The following TTC8 variants were observed in gnomAD, a reference collection of about 807,000 sequenced individuals.
TTC8 encodes tetratricopeptide repeat domain 8, also known as tetratricopeptide repeat protein 8.
TTC8 carries 47 observed loss-of-function variants against 72.5 expected under a neutral mutation model. The ratio of observed to expected loss-of-function variants is 0.65; its 90% confidence interval spans 0.51 to 0.83. The LOEUF is 0.83. Ranked by LOEUF, TTC8 falls within the 40% of genes least tolerant of loss-of-function variation. The pLI is 0.00. For synonymous variants in TTC8, 199 were observed against 221.4 expected (o/e 0.90, Z 0.90); for missense variants, 611 against 623.2 (o/e 0.98, Z 0.21).
chr14:88,851,954 A>G lies in TTC8; in HGVS notation c.625-1017A>G, dbSNP rs188719459. 5.3e-3 allele frequency among the ~76,000 whole-genome samples: 803 copies of G among 152,366 alleles called. 6 individuals are homozygous for G. The highest frequency in any genetic ancestry group is 9.3e-3 in the Non-Finnish European group (635 of 68,038). On this transcript the variant is annotated intron_variant, in intron 7 of 14. Coordinates refer to ENST00000380656, the MANE Select transcript of TTC8 (RefSeq NM_144596.4). The stretch of plus-strand genomic sequence containing the variant: ...GCATTCATTTCAGAAAAGAGTTGGT[A>G]TTAAGAAGTGGACAGTAATCTGGGA...
chr14:88,863,039 A>G (rs935755983), intron 10 of TTC8, among the ~76,000 whole-genome samples: 2 of 125,982 alleles, frequency 1.6e-5, no homozygotes, highest in Non-Finnish European at 3.2e-5. Flanking sequence ...CCCTGGAAGC[A>G]TATTGATTGG....
chr14:88,839,719 A>G (rs2094771145), intron 3 of TTC8, 147 bp downstream of exon 3: 2 of 950,240 alleles, frequency 2.1e-6, no homozygotes, highest in East Asian at 2.8e-5. Flanking sequence ...AAAAACCATT[A>G]CTTCAAGTAA....
intron 7 of TTC8, among the ~76,000 whole-genome samples, chr14:88,847,153 G>T (rs924033313): frequency 2.0e-5 from 3 of 152,100 alleles, no homozygotes; most frequent in African/African-American, 2.4e-5. Context: ...TAAAAGCTCC[G>T]CAGGCAATGC....
At chr14:88,853,208 G>T (rs575728975) in intron 8 of TTC8, 152 bp downstream of exon 8, 9 of 666,782 alleles carry the variant, frequency 1.3e-5, no homozygotes, top group South Asian at 1.3e-4. Context: ...ACAATCACAG[G>T]GTAGCAATAA....
intron 2 of TTC8, among the ~76,000 whole-genome samples, chr14:88,837,880 G>GT (rs1005213407): frequency 6.0e-5 from 9 of 150,626 alleles, no homozygotes; most frequent in East Asian, 3.9e-4. Context: ...AATAGGAATT[G>GT]TTTTTTTTTA....
intron 2 of TTC8, among the ~76,000 whole-genome samples, chr14:88,835,841 TA>T (rs966060314): frequency 1.3e-5 from 2 of 151,600 alleles, no homozygotes; most frequent in African/African-American, 4.8e-5. Context: ...GTTTCCAAAG[TA>T]AAAAAAAATT....
At chr14:88,873,692 A>G (rs970553207) in intron 13 of TTC8, among the ~76,000 whole-genome samples, 1 of 152,220 alleles carries the variant, frequency 6.6e-6, no homozygotes, top group Non-Finnish European at 1.5e-5. Flanking sequence ...TATGGAGCAC[A>G]TGGTAGATGC....
At chr14:88,841,333 T>A in intron 5 of TTC8, 92 bp from the exon 6 acceptor site, 1 of 1,587,276 alleles carries the variant, frequency 6.3e-7, no homozygotes, top group South Asian at 1.1e-5. Context: ...TTATTTTTAT[T>A]TATGTTGCCT....
At chr14:88,862,535 T>C (rs2094890394) in intron 10 of TTC8, among the ~76,000 whole-genome samples, 1 of 97,670 alleles carries the variant, frequency 1.0e-5, no homozygotes. Context: ...TCTCTCTCTC[T>C]CTCTCCATAT....
intron 10 of TTC8, 111 bp downstream of exon 10, chr14:88,861,443 G>T: frequency 1.3e-6 from 1 of 761,762 alleles, no homozygotes; most frequent in African/African-American, 1.8e-5. Context: ...ATCAAATCAG[G>T]GTAATTGAGT....
At chr14:88,838,386 G>A (rs1173292825) in intron 2 of TTC8, among the ~76,000 whole-genome samples, 4 of 152,016 alleles carry the variant, frequency 2.6e-5, no homozygotes, top group African/African-American at 7.2e-5. Flanking sequence ...AGTTCTTTAC[G>A]TGGGGACTTT....
In TTC8 at chr14:88,841,181, T is replaced by C. The variant is rs765467272; in HGVS notation, c.474T>C (p.Phe158=). 3.1e-6 allele frequency: 5 copies of C among 1,613,914 alleles called. No homozygotes were observed. The highest frequency in any genetic ancestry group is 1.7e-5 in the Admixed American group (1 of 59,958). ...CTATCACCAGCTCCTCCGGAAGATTTGTCAGGCTGGGAACGGTAAATTCTA... is the reference window on the plus strand; with the variant it reads ...CTATCACCAGCTCCTCCGGAAGATTCGTCAGGCTGGGAACGGTAAATTCTA... ...ARPITSSSGR[F]VRLGTASMLT... is the part of the protein sequence containing the mutation. Residue 158 remains phenylalanine (F), a synonymous_variant, in exon 5 of 15, where the codon TTT becomes TTC. Transcript: ENST00000380656.
At position 88,841,195 on chromosome 14, in the gene TTC8, C is replaced by A. The variant is rs758942370; in HGVS notation, c.488C>A (p.Thr163Lys). Residue 163 changes from threonine (T) to lysine (K), a missense_variant and splice_region_variant, in exon 5 of 15, where the codon ACG (threonine) becomes AAG (lysine). Coordinates refer to ENST00000380656, the MANE Select transcript of TTC8 (RefSeq NM_144596.4). Reference sequence around the variant, plus strand: ...TCCGGAAGATTTGTCAGGCTGGGAACGGTAAATTCTATCAGCTTTCCCATA... The same window carrying A: ...TCCGGAAGATTTGTCAGGCTGGGAAAGGTAAATTCTATCAGCTTTCCCATA... ...SSSGRFVRLG[T>K]ASMLTSPDGP... 1 of 1,613,838 alleles carries A rather than the reference C, an allele frequency of 6.2e-7. No homozygotes were observed. The highest frequency in any genetic ancestry group is 1.7e-5 in the Admixed American group (1 of 59,946).
At chr14:88,865,342 T>C (rs1566854763) in intron 10 of TTC8, among the ~76,000 whole-genome samples, 1 of 152,204 alleles carries the variant, frequency 6.6e-6, no homozygotes, top group Non-Finnish European at 1.5e-5. Flanking sequence ...ACTAGGTGAT[T>C]GATTCTGTTG....
At chr14:88,866,342 A>G (rs2094909014) in intron 10 of TTC8, among the ~76,000 whole-genome samples, 1 of 151,882 alleles carries the variant, frequency 6.6e-6, no homozygotes, top group East Asian at 1.9e-4. Flanking sequence ...ATTTCCTCAA[A>G]CTACACATTG....
chr14:88,827,186 T>G (rs2094705306), intron 1 of TTC8, among the ~76,000 whole-genome samples: 1 of 152,132 alleles, frequency 6.6e-6, no homozygotes, highest in African/African-American at 2.4e-5. Context: ...ACCTATAAAT[T>G]GAGATATCAG....
chr14:88,826,930 T>C (rs994711250), intron 1 of TTC8, among the ~76,000 whole-genome samples: 1 of 152,174 alleles, frequency 6.6e-6, no homozygotes, highest in African/African-American at 2.4e-5. Context: ...CCCTAAAGGC[T>C]CTGAGTAGTT....
chr14:88,845,527 G>T (rs1247855999), intron 7 of TTC8, among the ~76,000 whole-genome samples: 2 of 152,126 alleles, frequency 1.3e-5, no homozygotes, highest in Admixed American at 6.6e-5. Context: ...AAAAATGAAG[G>T]TTGGGACAGC....
intron 9 of TTC8, among the ~76,000 whole-genome samples, chr14:88,859,352 G>A (rs1397291187): frequency 6.6e-6 from 1 of 152,070 alleles, no homozygotes; most frequent in Non-Finnish European, 1.5e-5. Context: ...AAGAATGAGA[G>A]CATGTCCTTT....
Sources: gnomAD v4.1 joint callset for allele counts (sites outside exome capture counted in the v4.1 genomes callset) on GRCh38, gnomAD v4.1.1 for gene constraint, MANE v1.5 for transcripts, NCBI Gene and HGNC (gene_info 2026-07-23, HGNC 2026-07-21) for gene names.